LYPLA1: variants seen among roughly 807,000 people sequenced by gnomAD.
LYPLA1 encodes lysophospholipase 1.
In LYPLA1, 17 loss-of-function variants were observed where a neutral mutation model predicts 34.0. The ratio of observed to expected loss-of-function variants is 0.50; its 90% confidence interval spans 0.34 to 0.75. LYPLA1 has a LOEUF of 0.75. LYPLA1 is among the 30% of genes least tolerant of loss of function. LYPLA1 has a pLI of 0.01. For missense variants in LYPLA1, 203 were observed against 288.8 expected (o/e 0.70, Z 2.15); for synonymous variants, 98 against 100.8 (o/e 0.97, Z 0.17).
chr8:54,050,282 A>G lies in LYPLA1; in HGVS notation c.639+730T>C, dbSNP rs187845479. The stretch of plus-strand genomic sequence containing the variant: ...TACTTTTTATGATGGCATCAGAACT[A>G]GAAATCTCAGGCCCTTTTGATACTT... On this transcript the variant is annotated intron_variant, in intron 8 of 8. Transcript: ENST00000316963. Among the ~76,000 whole-genome samples, 704 of 152,342 alleles carry G rather than the reference A, an allele frequency of 4.6e-3. 10 individuals carry two copies. Among genetic ancestry groups the G allele is most frequent in the South Asian group, 8.7e-3 (42 of 4,830 alleles).
intron 2 of LYPLA1, among the ~76,000 whole-genome samples, chr8:54,067,384 T>C (rs1488657210): frequency 2.6e-5 from 4 of 152,104 alleles, no homozygotes; most frequent in Non-Finnish European, 5.9e-5. Flanking sequence ...TATTTCTTCA[T>C]GCGTACATGT....
At chr8:54,082,312 C>T (rs997899979) in intron 2 of LYPLA1, among the ~76,000 whole-genome samples, 4 of 152,106 alleles carry the variant, frequency 2.6e-5, no homozygotes, top group African/African-American at 7.2e-5. Context: ...TACATACGCA[C>T]CATAGTATGT....
intron 2 of LYPLA1, chr8:54,073,467 A>ATAC (rs1247010135): frequency 1.3e-6 from 1 of 766,640 alleles, no homozygotes; most frequent in Non-Finnish European, 2.4e-6. Context: ...TGGCCTTGTG[A>ATAC]TGTATGGCAT....
chr8:54,059,179 T>C (rs1806421997), intron 5 of LYPLA1, among the ~76,000 whole-genome samples: 1 of 152,224 alleles, frequency 6.6e-6, no homozygotes, highest in Non-Finnish European at 1.5e-5. Context: ...CATCTATTAT[T>C]TTCAGACAAA....
chr8:54,086,555 C>CA (rs1220626412), intron 2 of LYPLA1, among the ~76,000 whole-genome samples: 2,408 of 64,548 alleles, frequency 0.037, 171 homozygotes, highest in African/African-American at 0.11. Context: ...CAAAGGGTAC[C>CA]AAAAAAAAAA....
At chr8:54,084,163 T>TATATATATATAA (rs1365317074) in intron 2 of LYPLA1, among the ~76,000 whole-genome samples, 1 of 132,612 alleles carries the variant, frequency 7.5e-6, no homozygotes, top group African/African-American at 3.2e-5. Flanking sequence ...TATATATATA[T>TATATATATATAA]AAAATAAAGA....
chr8:54,096,186 G>A (rs544345561), intron 2 of LYPLA1, among the ~76,000 whole-genome samples: 22 of 152,190 alleles, frequency 1.4e-4, no homozygotes, highest in Non-Finnish European at 2.8e-4. Flanking sequence ...GGTAATTTGG[G>A]TGAAAGGTAT....
At position 54,047,971 on chromosome 8, in the gene LYPLA1, A is replaced by G; in HGVS notation, c.*94T>C. Reference sequence around the variant, plus strand: ...TATTTGCAAAACATTTTAACACTGCAAAACATTAGAAATTTGAAGACTGGG... The same window carrying G: ...TATTTGCAAAACATTTTAACACTGCGAAACATTAGAAATTTGAAGACTGGG... On this transcript the variant is annotated 3_prime_UTR_variant, in exon 9 of 9. Coordinates refer to ENST00000316963, the MANE Select transcript of LYPLA1 (RefSeq NM_006330.4). 1 of 840,302 alleles carries G rather than the reference A, an allele frequency of 1.2e-6. No individual in the cohort carries two copies. The highest frequency in any genetic ancestry group is 2.5e-5 in the East Asian group (1 of 40,298). 52.1% of individuals were successfully genotyped at this position (840,302 alleles called of 1,614,324 possible).
chr8:54,101,595 CCGCGGACCCGGCCG>C (rs1810161720), intron 1 of LYPLA1, 146 bp downstream of exon 1: 3 of 1,152,828 alleles, frequency 2.6e-6, no homozygotes, highest in East Asian at 4.0e-5. Context: ...CCCCCGCCCC[CCGCGGACCCGGCCG>C]CGCGGACCAT....
chr8:54,076,805 CTT>C (rs1807940838), intron 2 of LYPLA1, among the ~76,000 whole-genome samples: 1 of 152,122 alleles, frequency 6.6e-6, no homozygotes. Flanking sequence ...ATAAGGGACA[CTT>C]TTAATTAATT....
chr8:54,086,548 A>G (rs1327624493), intron 2 of LYPLA1, among the ~76,000 whole-genome samples: 2 of 138,288 alleles, frequency 1.4e-5, no homozygotes, highest in Admixed American at 7.3e-5. Context: ...TCAAAACCAA[A>G]GGGTACCAAA....
chr8:54,078,885 C>T (rs1041950722), intron 2 of LYPLA1, among the ~76,000 whole-genome samples: 41 of 137,864 alleles, frequency 3.0e-4, no homozygotes, highest in African/African-American at 1.3e-3. Flanking sequence ...ACAACCCCCC[C>T]CCTTTTTTTT....
chr8:54,077,040 T>C (rs767837416), intron 2 of LYPLA1, among the ~76,000 whole-genome samples: 3 of 152,100 alleles, frequency 2.0e-5, no homozygotes, highest in Admixed American at 1.3e-4. Flanking sequence ...ACATGCATAC[T>C]TACTTTCATT....
At chr8:54,090,702 C>T (rs1182270032) in intron 2 of LYPLA1, among the ~76,000 whole-genome samples, 1 of 152,166 alleles carries the variant, frequency 6.6e-6, no homozygotes, top group Non-Finnish European at 1.5e-5. Flanking sequence ...TATTATTTCT[C>T]AACCTGCCGA....
At chr8:54,101,583 T>G in intron 1 of LYPLA1, 172 bp downstream of exon 1, 2 of 1,151,864 alleles carry the variant, frequency 1.7e-6, no homozygotes, top group Non-Finnish European at 1.1e-6. Context: ...ACCCCCCGGC[T>G]GCCCCCGCCC....
In LYPLA1 at chr8:54,066,128, G is replaced by A. The variant is rs1028495071; in HGVS notation, c.102-315C>T. Among the ~76,000 whole-genome samples, 4 of 152,106 alleles carry A rather than the reference G, an allele frequency of 2.6e-5. No individual in the cohort carries two copies. In the East Asian group the frequency reaches 5.8e-4, roughly 22 times the overall value. On this transcript the variant is annotated intron_variant, in intron 2 of 8. Transcript: ENST00000316963. ...ATTTTTTCTAATTTTTAGTAGAGAC[G>A]GGGTTTCACCATGTTAGCCAGGATG... is the stretch of plus-strand genomic sequence containing the variant.
chr8:54,065,563 A>AAG (rs34967619), intron 3 of LYPLA1, among the ~76,000 whole-genome samples, 185 bp downstream of exon 3: 56,396 of 151,692 alleles, frequency 0.37, 14,974 homozygotes, highest in East Asian at 0.74. Flanking sequence ...GAAAGAGAAA[A>AAG]AGAAAAAAAT....
At chr8:54,053,074 T>A in intron 6 of LYPLA1, 1 of 255,818 alleles carries the variant, frequency 3.9e-6, no homozygotes, top group Non-Finnish European at 7.5e-6. Context: ...TAAAATCCAA[T>A]CTGCTCTTAA....
At chr8:54,048,647 C>G (rs1260487595) in intron 8 of LYPLA1, among the ~76,000 whole-genome samples, 1 of 152,154 alleles carries the variant, frequency 6.6e-6, no homozygotes, top group Non-Finnish European at 1.5e-5. Flanking sequence ...GAAACTTTCT[C>G]CTCTTAGCCT....
Sources: allele counts gnomAD v4.1 joint callset (sites outside exome capture counted in the v4.1 genomes callset), GRCh38; gene constraint gnomAD v4.1.1; transcripts MANE v1.5; gene names NCBI Gene and HGNC (gene_info 2026-07-23, HGNC 2026-07-21).